The following SLC4A4 variants were observed in gnomAD, a reference collection of about 807,000 sequenced individuals.
The protein encoded by SLC4A4 is solute carrier family 4 member 4, also known as electrogenic sodium bicarbonate cotransporter 1.
Under a neutral mutation model 111.5 loss-of-function variants are expected in SLC4A4, and 27 were observed. That is an observed-to-expected ratio of 0.24 (90% confidence interval 0.18 to 0.33). The LOEUF is 0.33. SLC4A4 is among the 10% of genes least tolerant of loss of function. SLC4A4 has a pLI of 1.00. For missense variants in SLC4A4, 909 were observed against 1,315.5 expected (o/e 0.69, Z 4.78); for synonymous variants, 443 against 463.4 (o/e 0.96, Z 0.57).
intron 3 of SLC4A4, among the ~76,000 whole-genome samples, chr4:71,275,105 T>C (rs1722976605): frequency 6.6e-6 from 1 of 152,100 alleles, no homozygotes; most frequent in African/African-American, 2.4e-5. Context: ...ATTGAAAAAG[T>C]TTCTTTAAAA....
chr4:71,535,917 G>T lies in SLC4A4; in HGVS notation c.2442+1529G>T, dbSNP rs570429283. 9.2e-5 allele frequency among the ~76,000 whole-genome samples: 14 copies of T among 152,178 alleles called. No homozygotes were observed. The South Asian group carries it at 2.9e-3, about 32-fold the overall frequency. On this transcript the variant is annotated intron_variant, in intron 18 of 25. Transcript: ENST00000264485. ...GTCACTAAAGAACAAATCTCTGCAAGAAATCAGTGCTCCCAAAGGAAACCA... is the reference window on the plus strand; with the variant it reads ...GTCACTAAAGAACAAATCTCTGCAATAAATCAGTGCTCCCAAAGGAAACCA...
chr4:71,066,484 G>A (rs1741520095), intron 1 of SLC4A4, among the ~76,000 whole-genome samples: 1 of 152,204 alleles, frequency 6.6e-6, no homozygotes. Flanking sequence ...TAAAGGTGTA[G>A]CCCTTTACAA....
intron 2 of SLC4A4, among the ~76,000 whole-genome samples, chr4:71,139,069 A>G (rs1188500392): frequency 3.4e-5 from 5 of 147,504 alleles, no homozygotes; most frequent in African/African-American, 1.3e-4. Context: ...AGAATCAGTG[A>G]GTCAATAATG....
intron 5 of SLC4A4, among the ~76,000 whole-genome samples, chr4:71,355,742 A>G (rs924397990): frequency 2.6e-5 from 4 of 152,264 alleles, no homozygotes; most frequent in African/African-American, 9.6e-5. Context: ...AAATTCAGTC[A>G]TGCCCAAGCA....
In SLC4A4 at chr4:71,546,465, A is replaced by G; in HGVS notation, c.2558A>G (p.Asp853Gly). Residue 853 changes from aspartate to glycine, a missense_variant, in exon 19 of 26, where the codon GAC becomes GGC. Transcript: ENST00000264485. ...ACGGTCATCTCCATTGCTCACATCGACAGTTTGAAGATGGAGACAGAGACT... is the reference window on the plus strand; with the variant it reads ...ACGGTCATCTCCATTGCTCACATCGGCAGTTTGAAGATGGAGACAGAGACT... ...AATVISIAHI[D>G]SLKMETETSA... The G allele has an allele frequency of 6.2e-7, 1 of 1,612,708 alleles. No individual in the cohort carries two copies. The highest frequency in any genetic ancestry group is 8.5e-7 in the Non-Finnish European group (1 of 1,179,126).
At position 71,128,581 on chromosome 4, in the gene SLC4A4, C is replaced by T. The variant is rs375465401; in HGVS notation, c.-2+35789C>T. 3.9e-5 allele frequency among the ~76,000 whole-genome samples: 6 copies of T among 152,240 alleles called. No individual in the cohort carries two copies. In the East Asian group the frequency reaches 9.7e-4, roughly 25 times the overall value. Reference sequence around the variant, plus strand: ...TCGGCTCACTGCAACCTCTGCCTCCCAGGTTCAAATGATCCTCCCACCTCA... The same window carrying T: ...TCGGCTCACTGCAACCTCTGCCTCCTAGGTTCAAATGATCCTCCCACCTCA... On this transcript the variant is annotated intron_variant, in intron 2 of 26. Transcript: ENST00000649996.
chr4:71,097,215 C>T (rs958894307), intron 2 of SLC4A4, among the ~76,000 whole-genome samples: 10 of 152,116 alleles, frequency 6.6e-5, no homozygotes, highest in African/African-American at 2.4e-4. Context: ...TGTTGTTTCC[C>T]TCTTTGTGTT....
intron 4 of SLC4A4, among the ~76,000 whole-genome samples, chr4:71,343,733 A>C (rs1481327853): frequency 6.6e-6 from 1 of 152,134 alleles, no homozygotes; most frequent in Non-Finnish European, 1.5e-5. Context: ...GATGGCTCCT[A>C]ATTAGTTGAT....
intron 2 of SLC4A4, among the ~76,000 whole-genome samples, chr4:71,097,346 G>T (rs1419772386): frequency 1.3e-5 from 2 of 152,172 alleles, no homozygotes; most frequent in Non-Finnish European, 2.9e-5. Flanking sequence ...TCCCACAAAA[G>T]ACATGATCTC....
At chr4:71,316,414 T>A (rs1726683186) in intron 3 of SLC4A4, among the ~76,000 whole-genome samples, 1 of 152,174 alleles carries the variant, frequency 6.6e-6, no homozygotes, top group Admixed American at 6.5e-5. Flanking sequence ...CTAAGAGATG[T>A]GTCTGTAAAC....
chr4:71,453,514 A>G lies in SLC4A4; in HGVS notation c.1342A>G (p.Lys448Glu). ...GCCCAGGTTCTGTGGTGGACTAATTAAAGACATAAAGAGGAAAGCGCCATT... is the reference window on the plus strand; with the variant it reads ...GCCCAGGTTCTGTGGTGGACTAATTGAAGACATAAAGAGGAAAGCGCCATT... ...RTGRFCGGLI[K>E]DIKRKAPFFA... Residue 448 changes from lysine to glutamate, a missense_variant, in exon 12 of 26, where the codon AAA becomes GAA. This residue lies in a region of SLC4A4 where 312 missense variants were observed against 402.0 expected (regional missense o/e 0.78). Transcript: ENST00000264485. 1 of 1,613,952 alleles carries G rather than the reference A, an allele frequency of 6.2e-7. No homozygotes were observed.
chr4:71,072,093 A>T (rs1406392096), intron 1 of SLC4A4, among the ~76,000 whole-genome samples: 1 of 152,136 alleles, frequency 6.6e-6, no homozygotes, highest in African/African-American at 2.4e-5. Context: ...TAAAATTTGT[A>T]TGTATTTGAA....
chr4:71,466,721 C>T, intron 13 of SLC4A4, 144 bp downstream of exon 13: 1 of 827,198 alleles, frequency 1.2e-6, no homozygotes, highest in South Asian at 1.6e-5. Flanking sequence ...GTGAAAGGGC[C>T]TTAGCAATTA....
chr4:71,452,659 G>A (rs1440389429), intron 11 of SLC4A4, among the ~76,000 whole-genome samples: 5 of 152,188 alleles, frequency 3.3e-5, no homozygotes, highest in Admixed American at 3.3e-4. Context: ...GAAGACTGAG[G>A]TTTGAGGCTT....
At chr4:71,120,242 G>T (rs939182589) in intron 2 of SLC4A4, among the ~76,000 whole-genome samples, 1 of 152,090 alleles carries the variant, frequency 6.6e-6, no homozygotes. Context: ...GAGAAGTTTT[G>T]TATTGCTTCT....
At chr4:71,465,459 T>C (rs527238349) in intron 12 of SLC4A4, among the ~76,000 whole-genome samples, 89 of 151,160 alleles carry the variant, frequency 5.9e-4, no homozygotes, top group Middle Eastern at 6.8e-3. Flanking sequence ...CAAATACACA[T>C]GTGCTTGTCT....
chr4:71,078,685 C>T (rs560813333), intron 1 of SLC4A4, among the ~76,000 whole-genome samples: 1 of 152,220 alleles, frequency 6.6e-6, no homozygotes, highest in East Asian at 1.9e-4. Context: ...TTCTAGCTCC[C>T]GTAGAACCCC....
upstream of SLC4A4, among the ~76,000 whole-genome samples, chr4:71,183,154 T>C (rs1463797206): frequency 6.6e-6 from 1 of 152,236 alleles, no homozygotes; most frequent in East Asian, 1.9e-4. Flanking sequence ...TTTAATGCTG[T>C]GGGAACTGAG....
chr4:71,471,084 A>C (rs992403999), intron 13 of SLC4A4, among the ~76,000 whole-genome samples: 3 of 151,990 alleles, frequency 2.0e-5, no homozygotes, highest in Non-Finnish European at 2.9e-5. Flanking sequence ...AAGAACTTTA[A>C]ATTCTAATAT....
Sources: gnomAD v4.1 joint callset for allele counts (sites outside exome capture counted in the v4.1 genomes callset) on GRCh38, gnomAD v4.1.1 for gene constraint, gnomAD v4.1.1 regional missense constraint, MANE v1.5 for transcripts, NCBI Gene and HGNC (gene_info 2026-07-23, HGNC 2026-07-21) for gene names.